Variants in APCDD1 observed in about 807,000 individuals in gnomAD.
APCDD1 encodes protein APCDD1.
Under a neutral mutation model 38.1 loss-of-function variants are expected in APCDD1, and 15 were observed. The observed-to-expected ratio is 0.39, with a 90% CI of 0.26 to 0.61. The LOEUF is 0.61. Among genes scored for constraint, APCDD1 ranks in the 20% least tolerant of loss-of-function variants. APCDD1 has a pLI of 0.49. For missense variants in APCDD1, 647 were observed against 696.2 expected (o/e 0.93, Z 0.79); for synonymous variants, 261 against 279.7 (o/e 0.93, Z 0.67).
chr18:10,473,597 A>C (rs1267418002), intron 3 of APCDD1, among the ~76,000 whole-genome samples: 3 of 152,206 alleles, frequency 2.0e-5, no homozygotes, highest in African/African-American at 7.2e-5. Context: ...AAGGAGACCA[A>C]AACTCTGCCC....
At chr18:10,480,879 AGT>A (rs2031119274) in intron 3 of APCDD1, among the ~76,000 whole-genome samples, 1 of 151,894 alleles carries the variant, frequency 6.6e-6, no homozygotes, top group Non-Finnish European at 1.5e-5. Flanking sequence ...CACCTCCAAC[AGT>A]GAGACCCTGT....
intron 3 of APCDD1, among the ~76,000 whole-genome samples, chr18:10,484,789 G>T (rs1031977382): frequency 2.0e-5 from 3 of 151,788 alleles, no homozygotes; most frequent in African/African-American, 4.9e-5. Flanking sequence ...TCATTGTATG[G>T]ATAGACCGCA....
At chr18:10,484,651 C>T (rs11080424) in intron 3 of APCDD1, among the ~76,000 whole-genome samples, 44,566 of 152,024 alleles carry the variant, frequency 0.29, 6,737 homozygotes, top group East Asian at 0.44. Flanking sequence ...CTCTAGGAAC[C>T]TCATATAAGT....
At chr18:10,462,890 G>C (rs2030607252) in intron 1 of APCDD1, among the ~76,000 whole-genome samples, 1 of 150,732 alleles carries the variant, frequency 6.6e-6, no homozygotes, top group Non-Finnish European at 1.5e-5. Context: ...CGATCTTCCT[G>C]CTTTCAATCT....
At chr18:10,463,122 A>G (rs1272344889) in intron 1 of APCDD1, among the ~76,000 whole-genome samples, 4 of 151,378 alleles carry the variant, frequency 2.6e-5, no homozygotes, top group Admixed American at 6.6e-5. Flanking sequence ...AGAGCCTCCT[A>G]TGCGAATCTC....
At chr18:10,480,119 G>A (rs564095142) in intron 3 of APCDD1, among the ~76,000 whole-genome samples, 1 of 152,220 alleles carries the variant, frequency 6.6e-6, no homozygotes, top group African/African-American at 2.4e-5. Flanking sequence ...TCTAAGATTC[G>A]GGGAAAGGGG....
At position 10,485,988 on chromosome 18, in the gene APCDD1, A is replaced by G. The variant is rs1287055021; in HGVS notation, c.1096+205A>G. 6.6e-6 allele frequency among the ~76,000 whole-genome samples: 1 copy of G among 152,208 alleles called. No individual in the cohort carries two copies. The highest frequency in any genetic ancestry group is 1.5e-5 in the Non-Finnish European group (1 of 68,040). ...GATCAGGTGGACAGCCTCCACTTGC[A>G]GGCCTGAATGCGAGAGGAGTCCACG... On this transcript the variant is annotated intron_variant, in intron 4 of 4. Transcript: ENST00000355285. The surrounding 1 kb of genome is among the most constrained non-coding windows in gnomAD (Gnocchi z 5.8).
chr18:10,460,947 A>T (rs568046137), intron 1 of APCDD1, among the ~76,000 whole-genome samples: 4 of 152,198 alleles, frequency 2.6e-5, no homozygotes, highest in African/African-American at 9.6e-5. Context: ...AGTTAACCTG[A>T]CACACAGGCC....
chr18:10,463,496 C>T (rs1432201830), intron 1 of APCDD1, among the ~76,000 whole-genome samples: 4 of 152,214 alleles, frequency 2.6e-5, no homozygotes, highest in African/African-American at 4.8e-5. Flanking sequence ...GGAGGGCACA[C>T]CATGACTGAT....
intron 1 of APCDD1, 85 bp downstream of exon 1, chr18:10,455,124 A>G: frequency 1.3e-6 from 2 of 1,534,580 alleles, no homozygotes; most frequent in South Asian, 1.2e-5. Context: ...TCGGGTCTGG[A>G]TCGCGGCACG....
At chr18:10,481,457 T>C (rs1449537820) in intron 3 of APCDD1, among the ~76,000 whole-genome samples, 1 of 151,986 alleles carries the variant, frequency 6.6e-6, no homozygotes, top group African/African-American at 2.4e-5. Flanking sequence ...ATAGTGATAG[T>C]TCCCCTCAGA....
chr18:10,480,589 A>T (rs190676526), intron 3 of APCDD1, among the ~76,000 whole-genome samples: 40 of 152,270 alleles, frequency 2.6e-4, no homozygotes, highest in Admixed American at 1.1e-3. Flanking sequence ...TGGCTTCTTC[A>T]TGACTGCTAA....
chr18:10,463,050 C>T (rs2030612221), intron 1 of APCDD1, among the ~76,000 whole-genome samples: 1 of 152,054 alleles, frequency 6.6e-6, no homozygotes. Flanking sequence ...GTGTGGTGCT[C>T]TCAACTGTGG....
intron 1 of APCDD1, among the ~76,000 whole-genome samples, chr18:10,460,490 G>A (rs2143510148): frequency 6.7e-6 from 1 of 149,468 alleles, no homozygotes; most frequent in African/African-American, 2.5e-5. Flanking sequence ...CCGAGATCGT[G>A]CCACTGCCCT....
chr18:10,477,645 T>C (rs1161679280), intron 3 of APCDD1: 3 of 152,138 alleles, frequency 2.0e-5, no homozygotes, highest in Non-Finnish European at 4.4e-5. Flanking sequence ...TCAGAGGACA[T>C]GAGGAAACCC....
chr18:10,469,789 C>A lies in APCDD1; in HGVS notation c.242+1137C>A. On this transcript the variant is annotated intron_variant, in intron 2 of 4. Coordinates refer to ENST00000355285, the MANE Select transcript of APCDD1 (RefSeq NM_153000.5). The surrounding 1 kb of genome is among the most constrained non-coding windows in gnomAD (Gnocchi z 5.5). ...TGGGAAGAGCTTTGTATTTAAAGAA[C>A]CAGATGCCAGGCTAGATGCAGAGTG... Among the ~76,000 whole-genome samples, 1 of 152,126 alleles carries A rather than the reference C, an allele frequency of 6.6e-6. No individual in the cohort carries two copies.
chr18:10,485,428 G>A lies in APCDD1; in HGVS notation c.775-34G>A. On this transcript the variant is annotated intron_variant, in intron 3 of 4. Transcript: ENST00000355285. This position sits in a 1 kb window ranked among gnomAD's most constrained non-coding sequence, Gnocchi z 5.8. ...TGTGCACTGCTCCCTTGGGAAGATA[G>A]AGGCCTCTGAATGTGTTTGTTTCTT... 6.2e-7 allele frequency: 1 copy of A among 1,611,440 alleles called. No individual in the cohort carries two copies. The highest frequency in any genetic ancestry group is 8.5e-7 in the Non-Finnish European group (1 of 1,179,354).
chr18:10,475,203 G>T lies in APCDD1; in HGVS notation c.774+3142G>T, dbSNP rs1338264766. Among the ~76,000 whole-genome samples the T allele has an allele frequency of 1.3e-5, 2 of 152,166 alleles. No individual in the cohort carries two copies. The highest frequency in any genetic ancestry group is 4.8e-5 in the African/African-American group (2 of 41,430). On this transcript the variant is annotated intron_variant, in intron 3 of 4. Transcript: ENST00000355285. The surrounding 1 kb of genome is among the most constrained non-coding windows in gnomAD (Gnocchi z 4.0). ...GAAAATGACAATGTCGACTGACCAG[G>T]GAACATCAAAGTGTTTCATGATGCC...
intron 3 of APCDD1, among the ~76,000 whole-genome samples, chr18:10,482,997 C>T (rs2031173468): frequency 6.6e-6 from 1 of 152,242 alleles, no homozygotes; most frequent in Non-Finnish European, 1.5e-5. Context: ...TTAATGTTCA[C>T]ACCAAGTGGG....
Sources: gnomAD v4.1 joint callset for allele counts (sites outside exome capture counted in the v4.1 genomes callset) on GRCh38, gnomAD v4.1.1 for gene constraint, Gnocchi (gnomAD v3.1) non-coding constraint, MANE v1.5 for transcripts, NCBI Gene and HGNC (gene_info 2026-07-23, HGNC 2026-07-21) for gene names.